The following FLRT2 variants were observed in gnomAD, a reference collection of about 807,000 sequenced individuals.
FLRT2 encodes fibronectin leucine rich transmembrane protein 2, also known as leucine-rich repeat transmembrane protein FLRT2.
FLRT2 carries 15 observed loss-of-function variants against 40.0 expected under a neutral mutation model. The ratio of observed to expected loss-of-function variants is 0.38; its 90% CI spans 0.25 to 0.58. FLRT2 has a LOEUF of 0.58. Among genes scored for constraint, FLRT2 ranks in the 20% least tolerant of loss-of-function variants. The probability of loss-of-function intolerance (pLI) is 0.71; values close to 1 mark genes in which losing one functional copy is unlikely to be tolerated. For synonymous variants in FLRT2, 380 were observed against 336.8 expected (o/e 1.13, Z -1.41); for missense variants, 726 against 840.0 (o/e 0.86, Z 1.68).
intron 1 of FLRT2, among the ~76,000 whole-genome samples, chr14:85,545,181 A>G (rs1889211262): frequency 6.6e-6 from 1 of 152,182 alleles, no homozygotes; most frequent in Admixed American, 6.5e-5. Flanking sequence ...GGCAGGGCCA[A>G]CTTCTTATCC....
intron 1 of FLRT2, among the ~76,000 whole-genome samples, chr14:85,596,652 TA>T (rs201665929): frequency 2.0e-5 from 3 of 151,998 alleles, no homozygotes; most frequent in African/African-American, 7.2e-5. Flanking sequence ...AAGACTTTTT[TA>T]AAAAAAACAT....
At chr14:85,577,243 C>T (rs1320941733) in intron 1 of FLRT2, among the ~76,000 whole-genome samples, 1 of 152,062 alleles carries the variant, frequency 6.6e-6, no homozygotes, top group Non-Finnish European at 1.5e-5. Flanking sequence ...AACTACAAAG[C>T]TGGATTGATT....
Position 85,621,679 on chromosome 14 carries a change from C to T in FLRT2, c.165C>T (p.Thr55=), listed in dbSNP as rs1239466235. The change falls in exon 2 of 2, where the codon ACC becomes ACT. Residue 55 remains threonine, a synonymous_variant. Coordinates refer to ENST00000330753, the MANE Select transcript of FLRT2 (RefSeq NM_013231.6). ...TCTACTGTAATGAGCGAAGCTTGAC[C>T]TCAGTGCCTCTTGGGATCCCGGAGG... The part of the protein sequence containing the change: ...NFVYCNERSL[T]SVPLGIPEGV... 1.9e-6 allele frequency: 3 copies of T among 1,614,024 alleles called. No homozygotes were observed. The highest frequency in any genetic ancestry group is 1.3e-5 in the African/African-American group (1 of 74,922).
At chr14:85,540,962 T>C (rs1454240617) in intron 1 of FLRT2, among the ~76,000 whole-genome samples, 2 of 152,170 alleles carry the variant, frequency 1.3e-5, no homozygotes, top group Non-Finnish European at 2.9e-5. Context: ...TTAGTACGTG[T>C]TTATATCTCT....
intron 1 of FLRT2, among the ~76,000 whole-genome samples, chr14:85,535,354 CA>C (rs3084489): frequency 0.28 from 41,695 of 146,970 alleles, 5,880 homozygotes; most frequent in African/African-American, 0.33. Flanking sequence ...AGCCCCCCCC[CA>C]AAAAAAAAAA....
At chr14:85,549,806 A>G (rs1465829751) in intron 1 of FLRT2, among the ~76,000 whole-genome samples, 1 of 106,300 alleles carries the variant, frequency 9.4e-6, no homozygotes, top group Admixed American at 1.4e-4. Flanking sequence ...GCTTACACAT[A>G]GCTATTTTTT....
chr14:85,587,298 A>AT (rs1891664620), intron 1 of FLRT2, among the ~76,000 whole-genome samples: 1 of 141,264 alleles, frequency 7.1e-6, no homozygotes, highest in South Asian at 2.4e-4. Context: ...AAAAAAAAAA[A>AT]AAAAAAAGAA....
intron 1 of FLRT2, among the ~76,000 whole-genome samples, chr14:85,558,399 G>C (rs1890106649): frequency 6.6e-6 from 1 of 152,116 alleles, no homozygotes; most frequent in Non-Finnish European, 1.5e-5. Flanking sequence ...GAGGAATTTG[G>C]AGTCATGGGA....
At chr14:85,593,668 A>G (rs559146861) in intron 1 of FLRT2, among the ~76,000 whole-genome samples, 1 of 152,314 alleles carries the variant, frequency 6.6e-6, no homozygotes, top group African/African-American at 2.4e-5. Flanking sequence ...GCTATTTAGC[A>G]TTGTTCGTGT....
intron 1 of FLRT2, among the ~76,000 whole-genome samples, chr14:85,535,892 GTTTTTTTTT>G (rs71454768): frequency 8.6e-5 from 5 of 57,908 alleles, no homozygotes; most frequent in African/African-American, 2.8e-4. Flanking sequence ...AAGGAATGCT[GTTTTTTTTT>G]TTTTTTTTTT....
chr14:85,604,667 T>G (rs73321520), intron 1 of FLRT2, among the ~76,000 whole-genome samples: 1,726 of 152,232 alleles, frequency 0.011, 31 homozygotes, highest in African/African-American at 0.033. Context: ...AAGATTTTTT[T>G]TTGTTGTTGT....
intron 1 of FLRT2, among the ~76,000 whole-genome samples, chr14:85,578,700 T>G (rs1283136234): frequency 6.6e-6 from 1 of 152,162 alleles, no homozygotes; most frequent in Non-Finnish European, 1.5e-5. Flanking sequence ...TTCCGCATAT[T>G]TACTTTACGT....
intron 1 of FLRT2, among the ~76,000 whole-genome samples, chr14:85,606,037 T>G (rs1356811663): frequency 6.6e-6 from 1 of 152,216 alleles, no homozygotes; most frequent in African/African-American, 2.4e-5. Context: ...TCATGATTTT[T>G]TCTGAACCAT....
intron 1 of FLRT2, among the ~76,000 whole-genome samples, chr14:85,543,622 C>T (rs1450580417): frequency 6.6e-6 from 1 of 152,108 alleles, no homozygotes; most frequent in Non-Finnish European, 1.5e-5. Flanking sequence ...CACGCAAGAT[C>T]CGTGACAATC....
chr14:85,538,750 T>A (rs567237239), intron 1 of FLRT2, among the ~76,000 whole-genome samples: 5 of 152,184 alleles, frequency 3.3e-5, no homozygotes, highest in African/African-American at 1.2e-4. Context: ...CTCCTAAAAT[T>A]GGTTCACAAA....
chr14:85,621,457 A>AT lies in FLRT2; in HGVS notation c.-48dup, dbSNP rs375543804. ...TCCAGTCATTTTGATTTTGCTGTTT[A>AT]TTTTTTTTTTCTTTTTCTTTTTCCC... On this transcript the variant is annotated 5_prime_UTR_variant, in exon 2 of 2. Transcript: ENST00000330753. The AT allele has an allele frequency of 8.2e-3, 10,981 of 1,340,216 alleles. 29 individuals carry two copies. Among genetic ancestry groups the AT allele is most frequent in the South Asian group, 0.032 (2,193 of 68,442 alleles). 83.0% of individuals were successfully genotyped at this position (1,340,216 alleles called of 1,614,324 possible).
chr14:85,647,089 C>T lies in FLRT2; in HGVS notation c.*23592C>T, dbSNP rs936784891. 1 of 152,158 alleles carries T rather than the reference C, an allele frequency of 6.6e-6. No homozygotes were observed. Among genetic ancestry groups the T allele is most frequent in the African/African-American group, 2.4e-5 (1 of 41,438 alleles). 9.4% of individuals were successfully genotyped at this position (152,158 alleles called of 1,614,324 possible). The stretch of plus-strand genomic sequence containing the variant: ...CAAGATGGATGTCACTAATGTGCAA[C>T]TGATCCACAACCTCATACAATTTTA... On this transcript the variant is annotated 3_prime_UTR_variant, in exon 2 of 2. Coordinates refer to ENST00000330753, the MANE Select transcript of FLRT2 (RefSeq NM_013231.6).
intron 1 of FLRT2, among the ~76,000 whole-genome samples, chr14:85,543,756 A>G (rs761559057): frequency 1.2e-4 from 19 of 152,100 alleles, no homozygotes; most frequent in Non-Finnish European, 2.6e-4. Context: ...CCATTTACCT[A>G]GAACATTATC....
At chr14:85,613,626 G>A (rs1415801563) in intron 1 of FLRT2, among the ~76,000 whole-genome samples, 2 of 152,142 alleles carry the variant, frequency 1.3e-5, no homozygotes, top group Non-Finnish European at 2.9e-5. Context: ...TCTGAAGGTC[G>A]TTCTTTGACT....
Sources: gnomAD v4.1 joint callset for allele counts (sites outside exome capture counted in the v4.1 genomes callset) on GRCh38, gnomAD v4.1.1 for gene constraint, MANE v1.5 for transcripts, NCBI Gene and HGNC (gene_info 2026-07-23, HGNC 2026-07-21) for gene names.